Variants in ANO4 observed in about 807,000 individuals in gnomAD.
ANO4 encodes anoctamin-4.
ANO4 carries 69 observed loss-of-function variants against 141.9 expected under a neutral mutation model. That is an observed-to-expected ratio of 0.49 (90% confidence interval 0.40 to 0.59). ANO4 has a LOEUF of 0.59. Among genes scored for constraint, ANO4 ranks in the 20% least tolerant of loss-of-function variants. The pLI is 0.00. For synonymous variants in ANO4, 350 were observed against 394.3 expected (o/e 0.89, Z 1.33); for missense variants, 894 against 1,162.2 (o/e 0.77, Z 3.36).
At chr12:100,782,286 T>C (rs1445114280) in intron 3 of ANO4, among the ~76,000 whole-genome samples, 2 of 152,166 alleles carry the variant, frequency 1.3e-5, no homozygotes, top group African/African-American at 4.8e-5. Context: ...CCAATGACCA[T>C]ACAAGTTTTT....
rs748666892 is a variant in ANO4 at position 100,988,872 on chromosome 12, G to GAAAAAAAAAAAAAAAAAAAAAAAAA, written c.734+1218_734+1219insAAAAAAAAAAAAAAAAAAAAAAAAA. ...GGTGACAGAGTGAGACTCTGTCTCA[G>GAAAAAAAAAAAAAAAAAAAAAAAAA]AAAAAAAAAAAAAAAAGAAAGAAAA... On this transcript the variant is annotated intron_variant, in intron 8 of 27. Coordinates refer to ENST00000392977, the MANE Select transcript of ANO4 (RefSeq NM_001286615.2). Among the ~76,000 whole-genome samples the GAAAAAAAAAAAAAAAAAAAAAAAAA allele has an allele frequency of 2.3e-4, 15 of 65,020 alleles. 4 individuals are homozygous for GAAAAAAAAAAAAAAAAAAAAAAAAA. The highest frequency in any genetic ancestry group is 7.7e-4 in the East Asian group (2 of 2,592). 42.7% of individuals were successfully genotyped at this position (65,020 alleles called of 152,430 possible).
At chr12:100,847,300 G>A (rs2037616833) in intron 1 of ANO4, among the ~76,000 whole-genome samples, 1 of 152,102 alleles carries the variant, frequency 6.6e-6, no homozygotes, top group South Asian at 2.1e-4. Context: ...AGATCAGGTG[G>A]AACTGTGGGT....
intron 7 of ANO4, among the ~76,000 whole-genome samples, chr12:100,985,303 C>T (rs554241840): frequency 3.7e-4 from 56 of 152,210 alleles, no homozygotes; most frequent in African/African-American, 1.1e-3. Context: ...AAATGTTAAG[C>T]GGCAAGCTGG....
intron 1 of ANO4, among the ~76,000 whole-genome samples, chr12:100,865,736 A>T (rs991298093): frequency 6.6e-6 from 1 of 152,222 alleles, no homozygotes; most frequent in Non-Finnish European, 1.5e-5. Flanking sequence ...TCAAATTAGG[A>T]TAATTCAAGA....
chr12:101,023,706 A>G (rs1021224279), intron 9 of ANO4, among the ~76,000 whole-genome samples: 16 of 152,318 alleles, frequency 1.1e-4, no homozygotes, highest in Admixed American at 2.6e-4. Context: ...ATTGGTAATG[A>G]TGAACTGGAA....
chr12:100,726,423 A>G (rs2031123128), intron 1 of ANO4, among the ~76,000 whole-genome samples: 1 of 152,114 alleles, frequency 6.6e-6, no homozygotes, highest in African/African-American at 2.4e-5. Context: ...TCCCATTCCT[A>G]GCGCAGGGCA....
intron 1 of ANO4, among the ~76,000 whole-genome samples, chr12:100,850,494 T>G (rs767110402): frequency 1.3e-5 from 2 of 152,140 alleles, no homozygotes; most frequent in Admixed American, 6.5e-5. Context: ...GATCTAAATT[T>G]TTTTCTTAGG....
In ANO4 at chr12:101,079,142, C is replaced by T. The variant is rs762975651; in HGVS notation, c.1313-51C>T. ...ATTATTCAGTGACACAGTTAAGAGC[C>T]TTGTTTTACTTTTATTCAAAAATGT... On this transcript the variant is annotated intron_variant, in intron 14 of 27. Transcript: ENST00000392977. 12 of 1,505,834 alleles carry T rather than the reference C, an allele frequency of 8.0e-6. No individual in the cohort carries two copies. The South Asian group carries it at 1.1e-4, about 14-fold the overall frequency. 93.3% of individuals were successfully genotyped at this position (1,505,834 alleles called of 1,614,324 possible). A position where few individuals can be genotyped will look rare whatever the true frequency, so the allele number is the denominator to read the frequency against.
intron 3 of ANO4, among the ~76,000 whole-genome samples, chr12:100,773,171 G>T (rs1398720582): frequency 6.6e-6 from 1 of 152,102 alleles, no homozygotes. Flanking sequence ...TATTTTTCAG[G>T]GTGTCCTCAC....
intron 8 of ANO4, among the ~76,000 whole-genome samples, chr12:101,014,840 A>G (rs948946529): frequency 1.3e-5 from 2 of 152,092 alleles, no homozygotes; most frequent in African/African-American, 4.8e-5. Context: ...AAATATTTTC[A>G]AATGTTTTTT....
intron 1 of ANO4, among the ~76,000 whole-genome samples, chr12:100,828,735 T>G (rs1257398257): frequency 1.3e-5 from 2 of 152,046 alleles, no homozygotes; most frequent in Admixed American, 1.3e-4. Flanking sequence ...ATAACATTCT[T>G]CTTCTCTCCA....
chr12:101,103,183 T>TATATATATATATATATATA (rs1197565753), intron 22 of ANO4, among the ~76,000 whole-genome samples: 2 of 18,582 alleles, frequency 1.1e-4, no homozygotes, highest in African/African-American at 2.0e-4. Context: ...TTTAGTCATT[T>TATATATATATATATATATA]TATATATATA....
intron 3 of ANO4, among the ~76,000 whole-genome samples, chr12:100,929,100 TC>T (rs2041989147): frequency 1.3e-5 from 2 of 152,112 alleles, no homozygotes; most frequent in Admixed American, 1.3e-4. Context: ...ACCTCAAACA[TC>T]CATTCTTTCT....
chr12:100,839,135 C>T (rs1369733370), intron 1 of ANO4, among the ~76,000 whole-genome samples: 1 of 151,990 alleles, frequency 6.6e-6, no homozygotes, highest in Non-Finnish European at 1.5e-5. Flanking sequence ...GGACATCATT[C>T]TGTCTTTGGG....
chr12:101,097,813 T>C, intron 20 of ANO4, 35 bp from the exon 21 acceptor site: 1 of 1,609,848 alleles, frequency 6.2e-7, no homozygotes, highest in Non-Finnish European at 8.5e-7. Flanking sequence ...TCCTCTCCAT[T>C]GATTCTGGAA....
At chr12:101,062,668 G>A (rs999264790) in intron 14 of ANO4, among the ~76,000 whole-genome samples, 6 of 152,190 alleles carry the variant, frequency 3.9e-5, no homozygotes, top group Admixed American at 6.5e-5. Flanking sequence ...ACTTCCTGGC[G>A]GCTTTGTTTA....
rs1371977296 is a variant in ANO4, at chr12:101,128,257, A to G, written c.*401A>G. ...AGGGTATTCAGACACATGGACACACATTCCTAGAATGTCATCATATGGTCC... is the reference window on the plus strand; with the variant it reads ...AGGGTATTCAGACACATGGACACACGTTCCTAGAATGTCATCATATGGTCC... On this transcript the variant is annotated 3_prime_UTR_variant, in exon 28 of 28. Coordinates refer to ENST00000392977, the MANE Select transcript of ANO4 (RefSeq NM_001286615.2). 1 of 152,658 alleles carries G rather than the reference A, an allele frequency of 6.6e-6. No individual in the cohort carries two copies. Among genetic ancestry groups the G allele is most frequent in the African/African-American group, 2.4e-5 (1 of 41,454 alleles). 9.5% of individuals were successfully genotyped at this position (152,658 alleles called of 1,614,324 possible). A position where few individuals can be genotyped will look rare whatever the true frequency, so the allele number is the denominator to read the frequency against.
chr12:100,886,399 C>G (rs1323096319), intron 1 of ANO4, among the ~76,000 whole-genome samples: 1 of 152,048 alleles, frequency 6.6e-6, no homozygotes, highest in Non-Finnish European at 1.5e-5. Flanking sequence ...GTCTCAACAA[C>G]CAGTCACTGC....
chr12:100,886,436 A>G (rs924732965), intron 1 of ANO4, among the ~76,000 whole-genome samples: 4 of 152,212 alleles, frequency 2.6e-5, no homozygotes, highest in Non-Finnish European at 5.9e-5. Flanking sequence ...TGCTTGAAAC[A>G]GGACATCTTT....
Sources: gnomAD v4.1 joint callset for allele counts (sites outside exome capture counted in the v4.1 genomes callset) on GRCh38, gnomAD v4.1.1 for gene constraint, MANE v1.5 for transcripts, NCBI Gene and HGNC (gene_info 2026-07-23, HGNC 2026-07-21) for gene names.